Variants in PCDHGA2 observed in about 807,000 individuals in gnomAD.
The protein encoded by PCDHGA2 is protocadherin gamma-A2.
A neutral mutation model predicts 59.2 loss-of-function variants in PCDHGA2; 40 were observed. The ratio of observed to expected loss-of-function variants is 0.68; its 90% CI spans 0.52 to 0.88. The LOEUF (loss-of-function observed/expected upper bound fraction) is 0.88, where lower values mean the gene tolerates loss of function less well. Ranked by LOEUF, PCDHGA2 falls within the 40% of genes least tolerant of loss-of-function variation. The pLI, the probability that PCDHGA2 is intolerant of heterozygous loss-of-function variation, is 0.00. For missense variants in PCDHGA2, 1,226 were observed against 1,204.0 expected, an observed-to-expected ratio of 1.02 and a Z score of -0.27; for synonymous variants, 560 against 526.0, an observed-to-expected ratio of 1.06 and a Z score of -0.89.
chr5:141,438,615 TATATATATATATATATATATAC>T (rs1275224820), intron 1 of PCDHGA2, among the ~76,000 whole-genome samples: 95 of 35,914 alleles, frequency 2.6e-3, no homozygotes, highest in East Asian at 8.4e-3. Flanking sequence ...TATATATATA[TATATATATATATATATATATAC>T]ACACACACAC....
rs1758506119 is a variant in PCDHGA2, at chr5:141,350,568, T to C, written c.2424+9173T>C. The C allele has an allele frequency of 6.2e-7, 1 of 1,614,036 alleles. No individual in the cohort carries two copies. Among genetic ancestry groups the C allele is most frequent in the Non-Finnish European group, 8.5e-7 (1 of 1,179,894 alleles). On this transcript the variant is annotated intron_variant, in intron 1 of 3. Coordinates refer to ENST00000394576, the MANE Select transcript of PCDHGA2 (RefSeq NM_018915.4). The stretch of plus-strand genomic sequence containing the variant: ...AGGAAACTTGAGTGTGCACTAGAAT[T>C]CGAAACGGTCGCTGAAAACCCAATG...
intron 1 of PCDHGA2, chr5:141,414,562 A>G (rs770740530): frequency 3.1e-6 from 5 of 1,613,924 alleles, no homozygotes; most frequent in Non-Finnish European, 4.2e-6. Context: ...CTCCTACTTT[A>G]CCTATATCCC....
chr5:141,360,441 T>A, intron 1 of PCDHGA2: 2 of 1,613,992 alleles, frequency 1.2e-6, no homozygotes, highest in Non-Finnish European at 1.7e-6. Context: ...AGCCTCTGTG[T>A]GTTCTGGATT....
chr5:141,507,901 G>T (rs1332204823), intron 3 of PCDHGA2, among the ~76,000 whole-genome samples: 1 of 152,216 alleles, frequency 6.6e-6, no homozygotes, highest in Non-Finnish European at 1.5e-5. Flanking sequence ...CTGAAGTCCA[G>T]CCCAGCCAGG....
intron 1 of PCDHGA2, chr5:141,400,525 G>C: frequency 2.5e-6 from 4 of 1,613,908 alleles, no homozygotes; most frequent in Non-Finnish European, 2.5e-6. Flanking sequence ...TCCTGAGTTG[G>C]TGAGTTTCAT....
intron 1 of PCDHGA2, among the ~76,000 whole-genome samples, chr5:141,472,192 C>A (rs2099274015): frequency 1.3e-5 from 2 of 152,134 alleles, no homozygotes; most frequent in South Asian, 2.1e-4. Context: ...GAATTTGAAT[C>A]TTTTTGACAC....
At chr5:141,458,987 C>A (rs2098958554) in intron 1 of PCDHGA2, among the ~76,000 whole-genome samples, 1 of 152,168 alleles carries the variant, frequency 6.6e-6, no homozygotes, top group Non-Finnish European at 1.5e-5. Context: ...CCTGCCTCAC[C>A]CTCCCAAAGT....
intron 1 of PCDHGA2, chr5:141,360,857 T>C (rs765284863): frequency 6.2e-7 from 1 of 1,613,894 alleles, no homozygotes; most frequent in Non-Finnish European, 8.5e-7. Flanking sequence ...AACCCTCCAG[T>C]GTTCAGCCAG....
intron 1 of PCDHGA2, chr5:141,404,626 T>C (rs1443011566): frequency 1.2e-6 from 2 of 1,614,164 alleles, no homozygotes; most frequent in Admixed American, 3.3e-5. Flanking sequence ...AGAATGACAA[T>C]GCCCCAGAAA....
intron 1 of PCDHGA2, among the ~76,000 whole-genome samples, chr5:141,438,655 T>C (rs1436221152): frequency 7.1e-6 from 1 of 140,042 alleles, no homozygotes; most frequent in Non-Finnish European, 1.5e-5. Flanking sequence ...CACACACATA[T>C]ATGTATATAT....
chr5:141,452,525 G>A (rs1227647193), intron 1 of PCDHGA2, among the ~76,000 whole-genome samples: 3 of 152,126 alleles, frequency 2.0e-5, no homozygotes, highest in Admixed American at 6.5e-5. Flanking sequence ...CCTCAAAATC[G>A]TGAGTTCATA....
rs1244735686 is a variant in PCDHGA2 at position 141,432,142 on chromosome 5, C to A, written c.2425-62665C>A. 1 of 1,614,098 alleles carries A rather than the reference C, an allele frequency of 6.2e-7. No homozygotes were observed. The highest frequency in any genetic ancestry group is 1.1e-5 in the South Asian group (1 of 91,066). On this transcript the variant is annotated intron_variant, in intron 1 of 3. Transcript: ENST00000394576. This position sits in a 1 kb window ranked among gnomAD's most constrained non-coding sequence, Gnocchi z 6.0. ...CTCAGGCCTCCTATTCCGCTTATAT[C>A]CCAGAGAACAATCCCAGAGGAGTTT...
rs1427742903 is a variant in PCDHGA2 at position 141,477,916 on chromosome 5, A to G, written c.2425-16891A>G. On this transcript the variant is annotated intron_variant, in intron 1 of 3. Coordinates refer to ENST00000394576, the MANE Select transcript of PCDHGA2 (RefSeq NM_018915.4). This position sits in a 1 kb window ranked among gnomAD's most constrained non-coding sequence, Gnocchi z 4.9. ...GGGTGGTAGGCTGGGACGCGGATGC[A>G]GGGCACAATGCCTGGCTCTCCTACA... The G allele has an allele frequency of 1.2e-6, 2 of 1,614,042 alleles. No homozygotes were observed. The highest frequency in any genetic ancestry group is 2.7e-5 in the African/African-American group (2 of 74,932).
intron 1 of PCDHGA2, chr5:141,355,506 TG>T: frequency 6.2e-7 from 1 of 1,614,028 alleles, no homozygotes; most frequent in Non-Finnish European, 8.5e-7. Context: ...CTCCAAACTG[TG>T]TGACAAACCT....
Position 141,432,110 on chromosome 5 carries a change from G to T in PCDHGA2, c.2425-62697G>T, listed in dbSNP as rs768038692. The T allele has an allele frequency of 6.2e-7, 1 of 1,614,108 alleles. No homozygotes were observed. Among genetic ancestry groups the T allele is most frequent in the Non-Finnish European group, 8.5e-7 (1 of 1,180,036 alleles). ...GGCAGACACCAACGACAACCCGCCG[G>T]TCTTCCCTCAGGCCTCCTATTCCGC... On this transcript the variant is annotated intron_variant, in intron 1 of 3. Coordinates refer to ENST00000394576, the MANE Select transcript of PCDHGA2 (RefSeq NM_018915.4). The surrounding 1 kb of genome is among the most constrained non-coding windows in gnomAD (Gnocchi z 6.0).
At chr5:141,351,379 G>A (rs1301322299) in intron 1 of PCDHGA2, 9 of 1,612,022 alleles carry the variant, frequency 5.6e-6, no homozygotes, top group Non-Finnish European at 7.6e-6. Context: ...AGGATTCTGG[G>A]CAAAATGGCA....
chr5:141,400,050 T>C (rs2093950243), intron 1 of PCDHGA2: 2 of 1,613,616 alleles, frequency 1.2e-6, no homozygotes, highest in Non-Finnish European at 1.7e-6. Flanking sequence ...TGCTGGTTGC[T>C]GTGCGTGATG....
intron 1 of PCDHGA2, chr5:141,364,802 C>T (rs1312102403): frequency 6.2e-7 from 1 of 1,614,006 alleles, no homozygotes; most frequent in Non-Finnish European, 8.5e-7. Context: ...TCCCTTCGCG[C>T]GGGATGCGGA....
Position 141,486,786 on chromosome 5 carries a change from G to A in PCDHGA2, c.2425-8021G>A, listed in dbSNP as rs1360545946. The A allele has an allele frequency of 1.9e-6, 3 of 1,614,090 alleles. No individual in the cohort carries two copies. The highest frequency in any genetic ancestry group is 2.2e-5 in the East Asian group (1 of 44,892). ...ACACTGCAGTTTGAGGTGCAGGCCC[G>A]GGATCGGGGCAACCCACCCCTTAGC... is the stretch of plus-strand genomic sequence containing the variant. On this transcript the variant is annotated intron_variant, in intron 1 of 3. Coordinates refer to ENST00000394576, the MANE Select transcript of PCDHGA2 (RefSeq NM_018915.4). This position sits in a 1 kb window ranked among gnomAD's most constrained non-coding sequence, Gnocchi z 5.0.
Sources: gnomAD v4.1 joint callset for allele counts (sites outside exome capture counted in the v4.1 genomes callset) on GRCh38, gnomAD v4.1.1 for gene constraint, Gnocchi (gnomAD v3.1) non-coding constraint, MANE v1.5 for transcripts, NCBI Gene and HGNC (gene_info 2026-07-23, HGNC 2026-07-21) for gene names.